The following CALN1 variants were observed in gnomAD, a reference collection of about 807,000 sequenced individuals.
CALN1 encodes calneuron 1.
In CALN1, 17 loss-of-function variants were observed where a neutral mutation model predicts 30.6. The ratio of observed to expected loss-of-function variants is 0.56; its 90% CI spans 0.38 to 0.83. The LOEUF (loss-of-function observed/expected upper bound fraction) is 0.83. Among genes scored for constraint, CALN1 ranks in the 40% least tolerant of loss-of-function variants. CALN1 has a pLI of 0.00. For synonymous variants in CALN1, 156 were observed against 131.4 expected, an observed-to-expected ratio of 1.19 and a Z score of -1.28; for missense variants, 291 against 354.9, an observed-to-expected ratio of 0.82 and a Z score of 1.45.
intron 5 of CALN1, among the ~76,000 whole-genome samples, chr7:71,826,625 G>A (rs1447190450): frequency 6.6e-6 from 1 of 152,148 alleles, no homozygotes; most frequent in Non-Finnish European, 1.5e-5. Context: ...CATGTTGGAG[G>A]GGACAGGGGA....
At chr7:72,438,156 A>C (rs1359974053) in intron 1 of CALN1, among the ~76,000 whole-genome samples, 2 of 149,762 alleles carry the variant, frequency 1.3e-5, no homozygotes, top group Non-Finnish European at 1.5e-5. Flanking sequence ...TTTTCTTTTT[A>C]TTTTTTGTAG....
intron 3 of CALN1, among the ~76,000 whole-genome samples, chr7:72,269,756 G>A (rs513388): frequency 0.011 from 1,636 of 152,200 alleles, 28 homozygotes; most frequent in African/African-American, 0.037. Context: ...TCTAACATAG[G>A]ATTCACAATG....
intron 3 of CALN1, among the ~76,000 whole-genome samples, chr7:72,215,978 C>G (rs949961442): frequency 2.0e-5 from 3 of 152,094 alleles, no homozygotes; most frequent in African/African-American, 4.8e-5. Context: ...GAATCTGAGA[C>G]TCCTCCTGTT....
the CALN1 span, among the ~76,000 whole-genome samples, chr7:72,466,575 C>A: frequency 6.6e-6 from 1 of 152,044 alleles, no homozygotes; most frequent in Admixed American, 6.6e-5. Context: ...GAAACCCCGT[C>A]TCTATTAAAA....
chr7:72,192,655 ATTATTATTATTATTATT>A (rs1245476260), intron 3 of CALN1, among the ~76,000 whole-genome samples: 4 of 96,784 alleles, frequency 4.1e-5, no homozygotes, highest in African/African-American at 1.8e-4. Context: ...TATTATTATT[ATTATTATTATTATTATT>A]ATACTTTAAG....
At chr7:72,362,242 C>T (rs992559437) in intron 2 of CALN1, among the ~76,000 whole-genome samples, 1 of 152,216 alleles carries the variant, frequency 6.6e-6, no homozygotes, top group Admixed American at 6.5e-5. Flanking sequence ...CATTATGGAT[C>T]TTATGTCTAC....
chr7:72,496,442 T>C, the CALN1 span, among the ~76,000 whole-genome samples: 3 of 152,246 alleles, frequency 2.0e-5, no homozygotes, highest in South Asian at 6.2e-4. Context: ...CTATATCATG[T>C]CCTTGGAGAG....
At chr7:72,049,915 T>C (rs1802729251) in intron 4 of CALN1, among the ~76,000 whole-genome samples, 1 of 151,690 alleles carries the variant, frequency 6.6e-6, no homozygotes, top group South Asian at 2.1e-4. Context: ...GTTCGAGTGA[T>C]TCTCCTGCCT....
chr7:72,403,267 G>A lies in CALN1; in HGVS notation c.103C>T (p.Pro35Ser), dbSNP rs1806465665. ...AAGACTTGCCAGGTGGGGAAGTCGG[G>A]GGCCTGGCTCCTCGGCGGCTCCTCT... ...GGEEPPRSQAPDFPTWEKMPF... is the reference protein window; with the variant it reads ...GGEEPPRSQASDFPTWEKMPF... Residue 35 changes from proline to serine, a missense_variant, in exon 2 of 7, where the codon CCC becomes TCC. Transcript: ENST00000395275. The A allele has an allele frequency of 1.3e-6, 2 of 1,549,864 alleles. No homozygotes were observed. Among genetic ancestry groups the A allele is most frequent in the Non-Finnish European group, 1.7e-6 (2 of 1,146,804 alleles).
intron 3 of CALN1, among the ~76,000 whole-genome samples, chr7:72,250,184 G>T (rs1340021832): frequency 3.3e-5 from 5 of 152,030 alleles, no homozygotes; most frequent in African/African-American, 1.2e-4. Flanking sequence ...CTAGCCACTG[G>T]CTCCTCCCCT....
chr7:71,840,485 T>TAAAAA (rs61579583), intron 5 of CALN1, among the ~76,000 whole-genome samples: 1 of 101,344 alleles, frequency 9.9e-6, no homozygotes, highest in African/African-American at 4.1e-5. Flanking sequence ...ATGCTCTCTT[T>TAAAAA]AAAAAAAAAA....
intron 2 of CALN1, among the ~76,000 whole-genome samples, chr7:72,343,368 G>A (rs1802471705): frequency 6.6e-6 from 1 of 152,008 alleles, no homozygotes; most frequent in African/African-American, 2.4e-5. Flanking sequence ...TCAACATGGT[G>A]AAACTCTGTT....
chr7:72,401,669 C>T (rs529729641), intron 2 of CALN1, among the ~76,000 whole-genome samples: 3 of 152,234 alleles, frequency 2.0e-5, no homozygotes, highest in African/African-American at 7.2e-5. Context: ...TCACGCTGCT[C>T]GCAACTCTTG....
intron 5 of CALN1, among the ~76,000 whole-genome samples, chr7:71,992,396 G>C (rs910395920): frequency 6.6e-6 from 1 of 152,032 alleles, no homozygotes; most frequent in Non-Finnish European, 1.5e-5. Flanking sequence ...CCTCATTGTT[G>C]CCCAGGCTGG....
intron 5 of CALN1, among the ~76,000 whole-genome samples, chr7:71,880,347 C>T (rs950637009): frequency 6.6e-6 from 1 of 152,110 alleles, no homozygotes; most frequent in African/African-American, 2.4e-5. Flanking sequence ...TTCAGGAAGA[C>T]TATAATTACA....
intron 5 of CALN1, among the ~76,000 whole-genome samples, chr7:71,904,895 T>G (rs1280042350): frequency 6.6e-6 from 1 of 152,054 alleles, no homozygotes; most frequent in Admixed American, 6.6e-5. Flanking sequence ...ACATTTATGG[T>G]TTTGGCTTAG....
At chr7:72,128,795 C>G (rs2129542683) in intron 3 of CALN1, among the ~76,000 whole-genome samples, 1 of 152,264 alleles carries the variant, frequency 6.6e-6, no homozygotes, top group South Asian at 2.1e-4. Context: ...TCACTTGAAC[C>G]CAGGAGGCAG....
chr7:72,136,501 C>T (rs1473005625), intron 3 of CALN1, among the ~76,000 whole-genome samples: 3 of 152,192 alleles, frequency 2.0e-5, no homozygotes, highest in Non-Finnish European at 4.4e-5. Flanking sequence ...AAACTTTCTC[C>T]ATATCAGCAA....
intron 3 of CALN1, among the ~76,000 whole-genome samples, chr7:72,239,612 T>C (rs1001279492): frequency 6.6e-6 from 1 of 152,156 alleles, no homozygotes; most frequent in Non-Finnish European, 1.5e-5. Flanking sequence ...ATAACTTTTC[T>C]AAGGTGTTAA....
Sources: gnomAD v4.1 joint callset for allele counts (sites outside exome capture counted in the v4.1 genomes callset) on GRCh38, gnomAD v4.1.1 for gene constraint, MANE v1.5 for transcripts, NCBI Gene and HGNC (gene_info 2026-07-23, HGNC 2026-07-21) for gene names.